NBEA: variants seen among roughly 807,000 people sequenced by gnomAD.
The protein encoded by NBEA is neurobeachin.
Under a neutral mutation model 343.4 loss-of-function variants are expected in NBEA, and 44 were observed. The ratio of observed to expected loss-of-function variants is 0.13; its 90% confidence interval spans 0.10 to 0.16. NBEA has a LOEUF of 0.16. NBEA is among the 10% of genes least tolerant of loss of function. The pLI is 1.00. For missense variants in NBEA, 2,555 were observed against 3,631.3 expected (o/e 0.70, Z 7.62); for synonymous variants, 1,175 against 1,238.7 (o/e 0.95, Z 1.08).
chr13:35,583,577 A>C (rs1214108338), intron 45 of NBEA, among the ~76,000 whole-genome samples: 1 of 152,166 alleles, frequency 6.6e-6, no homozygotes, highest in Non-Finnish European at 1.5e-5. Context: ...TATGTAGCTT[A>C]TTAAGTAGAA....
Position 35,655,686 on chromosome 13 carries a change from G to T in NBEA, c.8299G>T (p.Ala2767Ser), listed in dbSNP as rs1467853861. 1.2e-6 allele frequency: 2 copies of T among 1,613,926 alleles called. No homozygotes were observed. Among genetic ancestry groups the T allele is most frequent in the Admixed American group, 3.3e-5 (2 of 60,008 alleles). ...DCYIVSGSRD[A>S]TLLLWYWSGR... ...CTACATCGTGTCCGGATCTCGAGAT[G>T]CCACCCTGCTGCTCTGGTACTGGAG... is the stretch of plus-strand genomic sequence containing the variant. Residue 2767 changes from alanine (A) to serine (S), a missense_variant, in exon 55 of 59, where the codon GCC (alanine) becomes TCC (serine). Coordinates refer to ENST00000379939, the MANE Select transcript of NBEA (RefSeq NM_001385012.1).
chr13:35,311,380 C>T (rs1292872495), intron 36 of NBEA, among the ~76,000 whole-genome samples: 1 of 151,340 alleles, frequency 6.6e-6, no homozygotes, highest in Non-Finnish European at 1.5e-5. Context: ...AGAATTGAAC[C>T]TCTAAACACT....
chr13:34,949,058 T>A (rs909637609), intron 1 of NBEA, among the ~76,000 whole-genome samples: 3 of 152,122 alleles, frequency 2.0e-5, no homozygotes, highest in African/African-American at 7.2e-5. Flanking sequence ...CAAATAAAGT[T>A]CTGTCTGATA....
At chr13:35,427,190 T>C (rs2044742473) in intron 38 of NBEA, among the ~76,000 whole-genome samples, 1 of 152,198 alleles carries the variant, frequency 6.6e-6, no homozygotes, top group Non-Finnish European at 1.5e-5. Context: ...CTGCGTTCCT[T>C]TGGAGGAGGA....
chr13:35,415,962 T>C (rs2043881560), intron 38 of NBEA, among the ~76,000 whole-genome samples: 1 of 152,154 alleles, frequency 6.6e-6, no homozygotes, highest in South Asian at 2.1e-4. Flanking sequence ...CCCTTGTAAG[T>C]TGGATTCCTA....
At chr13:35,647,699 C>T (rs1354705166) in intron 51 of NBEA, among the ~76,000 whole-genome samples, 3 of 151,834 alleles carry the variant, frequency 2.0e-5, no homozygotes, top group African/African-American at 4.8e-5. Context: ...CCCGAGTAGC[C>T]GGGATTACAG....
intron 38 of NBEA, among the ~76,000 whole-genome samples, chr13:35,414,564 C>T (rs965443243): frequency 6.6e-6 from 1 of 152,160 alleles, no homozygotes; most frequent in African/African-American, 2.4e-5. Flanking sequence ...ATGAACTCAT[C>T]CTTTTCTATG....
chr13:35,418,591 T>C (rs2044088141), intron 38 of NBEA, among the ~76,000 whole-genome samples: 2 of 151,888 alleles, frequency 1.3e-5, no homozygotes, highest in Non-Finnish European at 2.9e-5. Context: ...ATGAGAACCA[T>C]AGAAAGAAGG....
chr13:35,234,682 A>G (rs2075140910), intron 34 of NBEA, among the ~76,000 whole-genome samples: 1 of 152,106 alleles, frequency 6.6e-6, no homozygotes, highest in East Asian at 1.9e-4. Context: ...CCACTTCCTC[A>G]TCTTTATGAG....
rs113979969 is a variant in NBEA at position 35,117,533 on chromosome 13, G to A, written c.2082+40G>A. ...TATAATTTAAAATAATAGTATATTA[G>A]GTAGAAAGGAATTTCTGGCATGTTT... On this transcript the variant is annotated intron_variant, in intron 14 of 58. Transcript: ENST00000379939. The A allele has an allele frequency of 2.1e-3, 2,071 of 983,830 alleles. 31 individuals carry two copies. The African/African-American group carries it at 0.03, about 14-fold the overall frequency. 60.9% of individuals were successfully genotyped at this position (983,830 alleles called of 1,614,324 possible).
Position 35,656,823 on chromosome 13 carries a change from A to G in NBEA, c.8362+1074A>G, listed in dbSNP as rs188855173. ...GCACTCCAAAATAAACTGAAACATGAATTTGGGGAATACTTATAACCCAAC... is the reference window on the plus strand; with the variant it reads ...GCACTCCAAAATAAACTGAAACATGGATTTGGGGAATACTTATAACCCAAC... On this transcript the variant is annotated intron_variant, in intron 55 of 58. Transcript: ENST00000379939. Among the ~76,000 whole-genome samples the G allele has an allele frequency of 1.6e-4, 24 of 152,348 alleles. No individual in the cohort carries two copies. The East Asian group carries it at 4.2e-3, about 27-fold the overall frequency.
chr13:35,603,010 G>C (rs918161307), intron 47 of NBEA, among the ~76,000 whole-genome samples: 3 of 152,104 alleles, frequency 2.0e-5, no homozygotes, highest in African/African-American at 7.2e-5. Flanking sequence ...TATTTAAATT[G>C]AGCTATTTTA....
At chr13:35,103,402 T>C (rs1487044273) in intron 11 of NBEA, among the ~76,000 whole-genome samples, 1 of 151,622 alleles carries the variant, frequency 6.6e-6, no homozygotes, top group African/African-American at 2.4e-5. Context: ...GCATTGTGTT[T>C]TGTGATGGCT....
At chr13:35,630,643 T>C (rs1470703809) in intron 49 of NBEA, among the ~76,000 whole-genome samples, 2 of 152,160 alleles carry the variant, frequency 1.3e-5, no homozygotes, top group African/African-American at 2.4e-5. Flanking sequence ...TGTTATGTTC[T>C]TTCTCCCCAG....
chr13:35,447,809 A>G (rs979981401), intron 39 of NBEA, among the ~76,000 whole-genome samples: 16 of 152,286 alleles, frequency 1.1e-4, no homozygotes, highest in South Asian at 2.1e-4. Flanking sequence ...TCAGTCCAAC[A>G]TGTCTTCTGA....
intron 1 of NBEA, among the ~76,000 whole-genome samples, chr13:34,975,864 C>T (rs542947236): frequency 1.3e-5 from 2 of 152,154 alleles, no homozygotes; most frequent in East Asian, 3.9e-4. Context: ...CAAATCAAAC[C>T]ACAATGTGAT....
At chr13:35,067,560 T>G (rs1293095202) in intron 8 of NBEA, among the ~76,000 whole-genome samples, 1 of 152,208 alleles carries the variant, frequency 6.6e-6, no homozygotes, top group Middle Eastern at 3.4e-3. Context: ...AGAACATTTC[T>G]ATCACCCCAG....
At chr13:35,453,814 C>A (rs1031599710) in intron 40 of NBEA, among the ~76,000 whole-genome samples, 5 of 152,068 alleles carry the variant, frequency 3.3e-5, no homozygotes, top group African/African-American at 9.7e-5. Flanking sequence ...TTTTATATTT[C>A]TCTTCTTTAA....
At chr13:35,078,273 T>C (rs73483930) in intron 10 of NBEA, among the ~76,000 whole-genome samples, 2,421 of 152,300 alleles carry the variant, frequency 0.016, 66 homozygotes, top group African/African-American at 0.05. Flanking sequence ...GAACTTACAT[T>C]ATCCAGCATT....
Sources: allele counts gnomAD v4.1 joint callset (sites outside exome capture counted in the v4.1 genomes callset), GRCh38; gene constraint gnomAD v4.1.1; transcripts MANE v1.5; gene names NCBI Gene and HGNC (gene_info 2026-07-23, HGNC 2026-07-21).